The following SOBP variants were observed in gnomAD, a reference collection of about 807,000 sequenced individuals.
SOBP encodes sine oculis-binding protein homolog.
SOBP carries 4 observed loss-of-function variants against 53.6 expected under a neutral mutation model. That is an observed-to-expected ratio of 0.07 (90% CI 0.04 to 0.17). SOBP has a LOEUF of 0.17. Among genes scored for constraint, SOBP ranks in the 10% least tolerant of loss-of-function variants. The pLI, the probability that SOBP is intolerant of heterozygous loss-of-function variation, is 1.00. For missense variants in SOBP, 1,088 were observed against 1,204.7 expected, an observed-to-expected ratio of 0.90 and a Z score of 1.43; for synonymous variants, 584 against 522.6, an observed-to-expected ratio of 1.12 and a Z score of -1.60.
chr6:107,564,828 C>G (rs1314673474), intron 4 of SOBP, among the ~76,000 whole-genome samples: 1 of 152,200 alleles, frequency 6.6e-6, no homozygotes, highest in African/African-American at 2.4e-5. Context: ...CCTGAGATAC[C>G]AAATATTTTT....
rs1230073923 is a variant in SOBP, at chr6:107,504,329, A to G, written c.235+534A>G. 3.9e-5 allele frequency among the ~76,000 whole-genome samples: 6 copies of G among 152,340 alleles called. No homozygotes were observed. In the East Asian group the frequency reaches 1.2e-3, roughly 29 times the overall value. On this transcript the variant is annotated intron_variant, in intron 2 of 6. Coordinates refer to ENST00000317357, the MANE Select transcript of SOBP (RefSeq NM_018013.4). ...ACTTGAATAGGGTAAAAAGAGGAGT[A>G]AGAGAGTGGTAGATGATTAGAGCCT... is the stretch of plus-strand genomic sequence containing the variant.
intron 6 of SOBP, among the ~76,000 whole-genome samples, chr6:107,652,512 C>T (rs964822780): frequency 6.6e-6 from 1 of 152,174 alleles, no homozygotes; most frequent in African/African-American, 2.4e-5. Context: ...GAATCTGCTC[C>T]TGGTAAAGAT....
chr6:107,611,050 T>C (rs929679284), intron 5 of SOBP, among the ~76,000 whole-genome samples: 22 of 152,250 alleles, frequency 1.4e-4, no homozygotes, highest in African/African-American at 5.3e-4. Flanking sequence ...AGACTTGCTG[T>C]CCAGTTGTGC....
intron 4 of SOBP, among the ~76,000 whole-genome samples, chr6:107,584,490 T>C (rs975810581): frequency 2.6e-5 from 4 of 152,198 alleles, no homozygotes; most frequent in Admixed American, 2.0e-4. Context: ...TTGCATGCTT[T>C]TCATTTCTGT....
Position 107,634,215 on chromosome 6 carries a change from G to C in SOBP, c.1371G>C (p.Ser457=). The change falls in exon 6 of 7, where the codon TCG becomes TCC. Residue 457 remains serine (S), a synonymous_variant. Transcript: ENST00000317357. This position sits in a 1 kb window ranked among gnomAD's most constrained non-coding sequence, Gnocchi z 4.5. ...TSSPMHRPML[S]PHIHPPSTPT... is the part of the protein sequence containing the mutation. ...GCCCCATGCACCGGCCCATGCTATC[G>C]CCCCACATCCACCCCCCGAGCACCC... 6.3e-7 allele frequency: 1 copy of C among 1,597,298 alleles called. No individual in the cohort carries two copies. Among genetic ancestry groups the C allele is most frequent in the Non-Finnish European group, 8.5e-7 (1 of 1,175,578 alleles).
chr6:107,609,124 C>T (rs553595969), intron 5 of SOBP, among the ~76,000 whole-genome samples: 1 of 152,314 alleles, frequency 6.6e-6, no homozygotes, highest in South Asian at 2.1e-4. Flanking sequence ...TCACACACCT[C>T]ATCAGTTAAA....
chr6:107,629,256 G>C (rs1444315221), intron 5 of SOBP, among the ~76,000 whole-genome samples: 2 of 73,914 alleles, frequency 2.7e-5, no homozygotes, highest in Non-Finnish European at 5.5e-5. Flanking sequence ...TTTTTTTACT[G>C]TTCCATTGCT....
intron 1 of SOBP, among the ~76,000 whole-genome samples, chr6:107,491,234 C>CCCGAGAGG (rs1782572785): frequency 6.6e-6 from 1 of 152,194 alleles, no homozygotes; most frequent in South Asian, 2.1e-4. Context: ...CGAGCTGCGG[C>CCCGAGAGG]CCGAGAGGCG....
intron 6 of SOBP, among the ~76,000 whole-genome samples, chr6:107,646,810 T>G (rs1771579843): frequency 6.6e-6 from 1 of 152,168 alleles, no homozygotes; most frequent in African/African-American, 2.4e-5. Context: ...TGTGGTTTAG[T>G]GGAAAAGAAT....
chr6:107,598,847 G>C (rs1191319842), intron 5 of SOBP, among the ~76,000 whole-genome samples: 1 of 152,192 alleles, frequency 6.6e-6, no homozygotes, highest in Non-Finnish European at 1.5e-5. Flanking sequence ...AACTGGCAAA[G>C]ATTTCATTTC....
chr6:107,572,107 A>G (rs1785089165), intron 4 of SOBP, among the ~76,000 whole-genome samples: 3 of 152,224 alleles, frequency 2.0e-5, no homozygotes. Flanking sequence ...ATGGAGAATC[A>G]TGTCTAAGGA....
intron 5 of SOBP, among the ~76,000 whole-genome samples, chr6:107,592,842 C>T (rs1471198338): frequency 6.6e-6 from 1 of 152,144 alleles, no homozygotes; most frequent in Non-Finnish European, 1.5e-5. Flanking sequence ...CCTGTATTCC[C>T]GTAGTTTCCT....
chr6:107,525,879 C>G (rs934877054), intron 3 of SOBP, among the ~76,000 whole-genome samples: 8 of 152,190 alleles, frequency 5.3e-5, no homozygotes, highest in Admixed American at 4.6e-4. Flanking sequence ...TCTAGTCTCT[C>G]CAAATTCTGA....
chr6:107,608,826 G>A (rs1786485426), intron 5 of SOBP, among the ~76,000 whole-genome samples: 1 of 152,206 alleles, frequency 6.6e-6, no homozygotes, highest in South Asian at 2.1e-4. Flanking sequence ...AAAAAGTATC[G>A]AAGAGGGGTC....
At chr6:107,531,687 T>C (rs1252535397) in intron 3 of SOBP, among the ~76,000 whole-genome samples, 1 of 152,164 alleles carries the variant, frequency 6.6e-6, no homozygotes, top group African/African-American at 2.4e-5. Context: ...TAGAACAAAT[T>C]ATTAAATACA....
intron 5 of SOBP, among the ~76,000 whole-genome samples, chr6:107,624,735 T>C (rs1020158022): frequency 5.3e-5 from 8 of 152,054 alleles, no homozygotes; most frequent in African/African-American, 1.9e-4. Flanking sequence ...GTATGAATGT[T>C]TGTCTCTGTC....
rs978104141 is a variant in SOBP at position 107,581,792 on chromosome 6, A to G, written c.574-5288A>G. Reference sequence around the variant, plus strand: ...ATTTCTGGTTCCAACAATTAGTTATAAAATATAAAATCAATGGCCCCTTTT... The same window carrying G: ...ATTTCTGGTTCCAACAATTAGTTATGAAATATAAAATCAATGGCCCCTTTT... On this transcript the variant is annotated intron_variant, in intron 4 of 6. Coordinates refer to ENST00000317357, the MANE Select transcript of SOBP (RefSeq NM_018013.4). 3.9e-5 allele frequency among the ~76,000 whole-genome samples: 6 copies of G among 152,230 alleles called. 1 individual carries two copies. In the South Asian group the frequency reaches 1.0e-3, roughly 26 times the overall value.
intron 5 of SOBP, among the ~76,000 whole-genome samples, chr6:107,609,523 G>A (rs1786514020): frequency 6.6e-6 from 1 of 152,210 alleles, no homozygotes; most frequent in South Asian, 2.1e-4. Flanking sequence ...CAGCCATGGA[G>A]CACAATGCAG....
At chr6:107,491,730 C>G (rs199571280) in intron 1 of SOBP, among the ~76,000 whole-genome samples, 2 of 152,180 alleles carry the variant, frequency 1.3e-5, no homozygotes, top group Non-Finnish European at 2.9e-5. Context: ...TTGCGGTCTT[C>G]TTGGTGTTCC....
Sources: allele counts gnomAD v4.1 joint callset (sites outside exome capture counted in the v4.1 genomes callset), GRCh38; gene constraint gnomAD v4.1.1; non-coding constraint Gnocchi (gnomAD v3.1); transcripts MANE v1.5; gene names NCBI Gene and HGNC (gene_info 2026-07-23, HGNC 2026-07-21).